The following POTEF variants were observed in gnomAD, a reference collection of about 807,000 sequenced individuals.
The protein encoded by POTEF is POTE ankyrin domain family member F.
In POTEF, 20 loss-of-function variants were observed where a neutral mutation model predicts 83.2. The ratio of observed to expected loss-of-function variants is 0.24; its 90% CI spans 0.17 to 0.35. The LOEUF (loss-of-function observed/expected upper bound fraction) is 0.35. Among genes scored for constraint, POTEF ranks in the 10% least tolerant of loss-of-function variants. The pLI is 1.00. For missense variants in POTEF, 550 were observed against 1,203.2 expected (o/e 0.46, Z 8.03); for synonymous variants, 196 against 446.4 (o/e 0.44, Z 7.07).
In POTEF at chr2:130,075,142, G is replaced by A; in HGVS notation, c.2330C>T (p.Thr777Ile). Residue 777 changes from threonine (T) to isoleucine (I), a missense_variant, in exon 17 of 17, where the codon ACC becomes ATC. Coordinates refer to ENST00000409914, the MANE Select transcript of POTEF (RefSeq NM_001099771.2). ...GATCTTCTCCATGTCATCCCAGTTG[G>A]TGATGATGCCGTGTTCCATGGGGTA... Reference protein sequence around the residue: ...LKYPMEHGIITNWDDMEKIWH... With the variant: ...LKYPMEHGIIINWDDMEKIWH... 3 of 1,613,562 alleles carry A rather than the reference G, an allele frequency of 1.9e-6. No individual in the cohort carries two copies. Among genetic ancestry groups the A allele is most frequent in the Non-Finnish European group, 2.5e-6 (3 of 1,179,916 alleles).
intron 3 of POTEF, among the ~76,000 whole-genome samples, chr2:130,118,026 C>G (rs1684887274): frequency 6.6e-6 from 1 of 151,444 alleles, no homozygotes; most frequent in African/African-American, 2.4e-5. Context: ...CTGCAACCTC[C>G]ACCTCCCTGG....
At chr2:130,116,352 C>G (rs993735202) in intron 3 of POTEF, among the ~76,000 whole-genome samples, 344 of 149,814 alleles carry the variant, frequency 2.3e-3, no homozygotes, top group Non-Finnish European at 3.1e-3. Flanking sequence ...CTTTTTTCAA[C>G]TGTTACATTC....
Position 130,074,948 on chromosome 2 carries a change from G to A in POTEF, c.2524C>T (p.Leu842=), listed in dbSNP as rs1275427489. 1.2e-6 allele frequency: 2 copies of A among 1,608,312 alleles called. No homozygotes were observed. The highest frequency in any genetic ancestry group is 1.7e-5 in the Admixed American group (1 of 59,040). ...MYVAIQAVLS[L]YTSGRTTGIV... Reference sequence around the variant, plus strand: ...CCAGTAGTACGGCCAGAGGTGTACAGGGACAGCACAGCCTGGATGGCCACG... The same window carrying A: ...CCAGTAGTACGGCCAGAGGTGTACAAGGACAGCACAGCCTGGATGGCCACG... The change falls in exon 17 of 17, where the codon CTG becomes TTG. Residue 842 remains leucine (L), a synonymous_variant. Transcript: ENST00000409914.
At chr2:130,122,893 TA>T (rs1475214855) in intron 2 of POTEF, among the ~76,000 whole-genome samples, 1 of 151,612 alleles carries the variant, frequency 6.6e-6, no homozygotes, top group Non-Finnish European at 1.5e-5. Flanking sequence ...CTTTATTGAA[TA>T]TAGTGTTTAT....
intron 2 of POTEF, among the ~76,000 whole-genome samples, chr2:130,123,650 A>C (rs1020064889): frequency 6.6e-6 from 1 of 151,868 alleles, no homozygotes; most frequent in African/African-American, 2.4e-5. Flanking sequence ...AATAAAAAAC[A>C]TATCTATTAT....
Position 130,075,545 on chromosome 2 carries a change from C to A in POTEF, c.1927G>T (p.Asp643Tyr), listed in dbSNP as rs372681039. The change falls in exon 17 of 17, where the codon GAC becomes TAC. Residue 643 changes from aspartate (D) to tyrosine (Y), a missense_variant. By Grantham distance (160) the Asp-to-Tyr change is radical (BLOSUM62 -3). Transcript: ENST00000409914. ...ELSLSCKKEK[D>Y]ILHENSTLRE... ...AACGTACTATTTTCATGCAAGATGT[C>A]TTTTTCTTTCTTACAACTAAGAGAA... 3.7e-6 allele frequency: 6 copies of A among 1,610,520 alleles called. No individual in the cohort carries two copies. The African/African-American group carries it at 5.4e-5, about 14-fold the overall frequency.
At chr2:130,095,286 T>C (rs1482177549) in intron 11 of POTEF, among the ~76,000 whole-genome samples, 1 of 77,470 alleles carries the variant, frequency 1.3e-5, no homozygotes, top group Non-Finnish European at 2.4e-5. Flanking sequence ...AGTGCTTTGA[T>C]TACAGGTGTC....
At chr2:130,107,516 C>T (rs1363689113) in intron 8 of POTEF, among the ~76,000 whole-genome samples, 2 of 151,098 alleles carry the variant, frequency 1.3e-5, no homozygotes, top group Non-Finnish European at 2.9e-5. Flanking sequence ...AACCACACCA[C>T]ACAGGAGGAG....
chr2:130,114,669 C>T (rs1397940554), intron 5 of POTEF, among the ~76,000 whole-genome samples: 1 of 150,884 alleles, frequency 6.6e-6, no homozygotes, highest in Non-Finnish European at 1.5e-5. Flanking sequence ...AAAGTATTTA[C>T]CACAAGTGCA....
intron 3 of POTEF, among the ~76,000 whole-genome samples, chr2:130,118,259 T>TA (rs1226119229): frequency 1.3e-5 from 2 of 151,906 alleles, no homozygotes. Flanking sequence ...TCTTCTAACT[T>TA]AAATAGAAAA....
Position 130,120,167 on chromosome 2 carries a change from C to A in POTEF, c.349G>T (p.Val117Leu). ...PCCRGSSKSK[V>L]GAWGDYDDSA... is the part of the protein sequence containing the mutation. ...TCATCGTAGTCTCCCCAAGCGCCCA[C>A]CTTGCTCTTGCTGCTCCCCCTGCAG... is the stretch of plus-strand genomic sequence containing the variant. The change falls in exon 3 of 17, where the codon GTG becomes TTG. Residue 117 changes from valine (V) to leucine (L), a missense_variant. Physicochemically the swap from Val to Leu is conservative, Grantham distance 32 (BLOSUM62 1). Coordinates refer to ENST00000409914, the MANE Select transcript of POTEF (RefSeq NM_001099771.2). The A allele has an allele frequency of 6.2e-7, 1 of 1,609,400 alleles. No individual in the cohort carries two copies. The highest frequency in any genetic ancestry group is 8.5e-7 in the Non-Finnish European group (1 of 1,178,944).
In POTEF at chr2:130,105,471, A is replaced by G. The variant is rs557238133; in HGVS notation, c.1126+2538T>C. 2.0e-5 allele frequency among the ~76,000 whole-genome samples: 3 copies of G among 151,876 alleles called. No homozygotes were observed. In the East Asian group the frequency reaches 5.8e-4, roughly 29 times the overall value. The stretch of plus-strand genomic sequence containing the variant: ...TTCCTTTGTCTCCTGGTTTCTTTAC[A>G]TGGTAAAGAACCTTCCATCAATCCC... On this transcript the variant is annotated intron_variant, in intron 8 of 16. Coordinates refer to ENST00000409914, the MANE Select transcript of POTEF (RefSeq NM_001099771.2).
intron 8 of POTEF, among the ~76,000 whole-genome samples, chr2:130,106,933 T>G (rs1185990608): frequency 6.7e-6 from 1 of 149,990 alleles, no homozygotes; most frequent in African/African-American, 2.5e-5. Context: ...TGGAGACAGC[T>G]CTATTATGAG....
intron 2 of POTEF, 112 bp downstream of exon 2, chr2:130,127,597 T>A (rs1306040395): frequency 6.6e-6 from 1 of 152,214 alleles, no homozygotes; most frequent in Non-Finnish European, 1.5e-5. Context: ...GTCCCCAGAC[T>A]TTCTGCCACT....
At chr2:130,110,041 C>T (rs1033476302) in intron 7 of POTEF, among the ~76,000 whole-genome samples, 4 of 151,558 alleles carry the variant, frequency 2.6e-5, no homozygotes, top group Admixed American at 6.6e-5. Flanking sequence ...ACAGAATCAA[C>T]GGAAACAACA....
Position 130,110,554 on chromosome 2 carries a change from A to G in POTEF, c.1044T>C (p.Ser348=), listed in dbSNP as rs1300475695. Residue 348 remains serine (S), a synonymous_variant, in exon 7 of 17, where the codon AGT becomes AGC. Transcript: ENST00000409914. ...ATGTAAACACTTACACATGATGATG[A>G]CTAGAAACAGCATACTCTCTGGCCG... The part of the protein sequence containing the change: ...GQTAREYAVS[S]HHHVICQLLS... 1.3e-6 allele frequency: 2 copies of G among 1,497,362 alleles called. No homozygotes were observed. The highest frequency in any genetic ancestry group is 4.1e-5 in the Admixed American group (2 of 48,478). 92.8% of individuals were successfully genotyped at this position (1,497,362 alleles called of 1,614,324 possible).
At chr2:130,111,509 G>A (rs1262266851) in intron 6 of POTEF, among the ~76,000 whole-genome samples, 1 of 151,782 alleles carries the variant, frequency 6.6e-6, no homozygotes, top group African/African-American at 2.4e-5. Context: ...TAATTGTTAT[G>A]TAGGGATAAG....
Position 130,100,787 on chromosome 2 carries a change from G to T in POTEF, c.1198-67C>A, listed in dbSNP as rs370408697. The stretch of plus-strand genomic sequence containing the variant: ...TCTGTGATGTGTCCTCTTTTGGAGC[G>T]CATGTTTTAAAAAAATTTTATTCTT... On this transcript the variant is annotated intron_variant, in intron 9 of 16. Transcript: ENST00000409914. The T allele has an allele frequency of 2.1e-3, 3,268 of 1,554,828 alleles. 12 individuals are homozygous for T. The highest frequency in any genetic ancestry group is 2.5e-3 in the Non-Finnish European group (2,895 of 1,155,216).
chr2:130,121,129 G>A (rs1437219171), intron 2 of POTEF, among the ~76,000 whole-genome samples: 2 of 147,972 alleles, frequency 1.4e-5, no homozygotes, highest in Admixed American at 6.6e-5. Context: ...CGCGGCGTGC[G>A]CGTGCGCGTG....
Sources: gnomAD v4.1 joint callset for allele counts (sites outside exome capture counted in the v4.1 genomes callset) on GRCh38, gnomAD v4.1.1 for gene constraint, MANE v1.5 for transcripts, NCBI Gene and HGNC (gene_info 2026-07-23, HGNC 2026-07-21) for gene names.